EFR3B: variants seen among roughly 807,000 people sequenced by gnomAD.
EFR3B encodes EFR3 homolog B.
A neutral mutation model predicts 104.7 loss-of-function variants in EFR3B; 64 were observed. The observed-to-expected ratio is 0.61, with a 90% CI of 0.50 to 0.75. The LOEUF (loss-of-function observed/expected upper bound fraction) is 0.75. EFR3B is among the 30% of genes least tolerant of loss of function. The pLI, the probability that EFR3B is intolerant of heterozygous loss-of-function variation, is 0.00. For synonymous variants in EFR3B, 385 were observed against 417.9 expected (o/e 0.92, Z 0.96); for missense variants, 750 against 1,078.5 (o/e 0.70, Z 4.27).
intron 6 of EFR3B, among the ~76,000 whole-genome samples, chr2:25,129,097 T>C (rs1237611801): frequency 6.6e-6 from 1 of 150,624 alleles, no homozygotes; most frequent in Non-Finnish European, 1.5e-5. Context: ...AAAACGTGCA[T>C]GCTTGACCAG....
At chr2:25,128,401 T>C in intron 6 of EFR3B, 69 bp downstream of exon 6, 6 of 1,534,842 alleles carry the variant, frequency 3.9e-6, no homozygotes, top group Non-Finnish European at 5.3e-6. Flanking sequence ...GGGAACCACA[T>C]GGTTTGGGTT....
chr2:25,048,166 C>T (rs1667773166), intron 1 of EFR3B, among the ~76,000 whole-genome samples: 1 of 152,120 alleles, frequency 6.6e-6, no homozygotes, highest in Non-Finnish European at 1.5e-5. Context: ...CAGGCATGTG[C>T]AACCATGCCC....
At chr2:25,070,721 C>G (rs985227391) in intron 1 of EFR3B, among the ~76,000 whole-genome samples, 10 of 152,058 alleles carry the variant, frequency 6.6e-5, no homozygotes, top group African/African-American at 2.2e-4. Flanking sequence ...GGGCCACTGT[C>G]AATGAAGAGC....
At position 25,139,192 on chromosome 2, in the gene EFR3B, T is replaced by C. The variant is rs1458815918; in HGVS notation, c.1854+2T>C. The C allele has an allele frequency of 2.6e-6, 4 of 1,550,068 alleles. No individual in the cohort carries two copies. The highest frequency in any genetic ancestry group is 2.0e-5 in the Admixed American group (1 of 50,390). The stretch of plus-strand genomic sequence containing the variant: ...GCCTTCTGCCAGCACATCCATGAGG[T>C]TGGTGTTCTCACGACCAAGAGCTCA... On this transcript the variant is annotated splice_donor_variant, in intron 16 of 22. Coordinates refer to ENST00000403714, the MANE Select transcript of EFR3B (RefSeq NM_014971.2). LOFTEE classifies it high-confidence loss of function.
rs545037805 is a variant in EFR3B at position 25,152,416 on chromosome 2, G to A, written c.2298+396G>A. On this transcript the variant is annotated intron_variant, in intron 21 of 22. Coordinates refer to ENST00000403714, the MANE Select transcript of EFR3B (RefSeq NM_014971.2). The stretch of plus-strand genomic sequence containing the variant: ...TGACAGCTTCTTCTATTGATGAGCC[G>A]CTTTCATTCTCATGATAACTCCATG... Among the ~76,000 whole-genome samples, 9 of 152,310 alleles carry A rather than the reference G, an allele frequency of 5.9e-5. No individual in the cohort carries two copies. In the South Asian group the frequency reaches 8.3e-4, roughly 14 times the overall value.
chr2:25,051,038 C>T (rs574944751), intron 1 of EFR3B, among the ~76,000 whole-genome samples: 1 of 152,116 alleles, frequency 6.6e-6, no homozygotes, highest in Non-Finnish European at 1.5e-5. Context: ...TGCCACTGGC[C>T]CTGCTCTCAG....
chr2:25,124,914 C>A (rs1030610058), intron 5 of EFR3B, among the ~76,000 whole-genome samples: 2 of 151,942 alleles, frequency 1.3e-5, no homozygotes, highest in Non-Finnish European at 2.9e-5. Context: ...AAAAATTAGC[C>A]AGGCATGGTA....
chr2:25,087,374 T>TAC, intron 1 of EFR3B, among the ~76,000 whole-genome samples: 1 of 151,754 alleles, frequency 6.6e-6, no homozygotes, highest in South Asian at 2.1e-4. Flanking sequence ...TATATATATA[T>TAC]ATATACACAC....
At chr2:25,077,295 T>C (rs1228516204) in intron 1 of EFR3B, among the ~76,000 whole-genome samples, 2 of 150,846 alleles carry the variant, frequency 1.3e-5, no homozygotes, top group African/African-American at 4.9e-5. Context: ...TTTTAAAACT[T>C]TTTTTTTTTG....
At position 25,130,199 on chromosome 2, in the gene EFR3B, G is replaced by A. The variant is rs1573224864; in HGVS notation, c.770+90G>A. 5.3e-6 allele frequency: 8 copies of A among 1,521,698 alleles called. No individual in the cohort carries two copies. The highest frequency in any genetic ancestry group is 1.7e-4 in the Middle Eastern group (1 of 5,882). The allele number at this position is 1,521,698 out of a possible 1,614,324, so 94.3% of individuals were successfully genotyped here. A position where few individuals can be genotyped will look rare whatever the true frequency, so the allele number is the denominator to read the frequency against. On this transcript the variant is annotated intron_variant, in intron 7 of 22. Transcript: ENST00000403714. This position sits in a 1 kb window ranked among gnomAD's most constrained non-coding sequence, Gnocchi z 4.6. ...ATCTCCTGGCTGGCTGGGGGGAAGG[G>A]GATATTACAGTTGTGGTGCCGCAGC...
chr2:25,133,285 G>A (rs1429485645), intron 11 of EFR3B, 98 bp from the exon 12 acceptor site: 12 of 1,311,976 alleles, frequency 9.1e-6, no homozygotes, highest in African/African-American at 1.5e-5. Context: ...AACACGATAA[G>A]CCTCATGGAG....
intron 1 of EFR3B, among the ~76,000 whole-genome samples, chr2:25,069,949 G>T (rs112294204): frequency 2.0e-4 from 31 of 152,200 alleles, no homozygotes; most frequent in African/African-American, 7.2e-4. Context: ...TGCCTGCCTC[G>T]GCCTCCCAAA....
chr2:25,106,996 A>G (rs764569300), intron 4 of EFR3B, among the ~76,000 whole-genome samples: 9 of 152,242 alleles, frequency 5.9e-5, no homozygotes, highest in Non-Finnish European at 1.3e-4. Context: ...AAATGAATCA[A>G]GCTCATTGTA....
chr2:25,128,417 G>C, intron 6 of EFR3B, 85 bp downstream of exon 6: 5 of 1,506,038 alleles, frequency 3.3e-6, no homozygotes, highest in Non-Finnish European at 4.5e-6. Context: ...GGGTTGGTCA[G>C]TAAAACTCAG....
intron 1 of EFR3B, among the ~76,000 whole-genome samples, chr2:25,073,310 C>T (rs1668545508): frequency 6.6e-6 from 1 of 151,752 alleles, no homozygotes; most frequent in Non-Finnish European, 1.5e-5. Flanking sequence ...GGCGTGCTCT[C>T]TCTATGCTAT....
At chr2:25,109,593 C>T (rs550179046) in intron 4 of EFR3B, among the ~76,000 whole-genome samples, 1 of 152,156 alleles carries the variant, frequency 6.6e-6, no homozygotes, top group Non-Finnish European at 1.5e-5. Context: ...ACACTATTCA[C>T]AAGAGCTGAA....
At chr2:25,044,690 A>T (rs919127610) in intron 1 of EFR3B, among the ~76,000 whole-genome samples, 5 of 152,134 alleles carry the variant, frequency 3.3e-5, no homozygotes, top group African/African-American at 7.2e-5. Flanking sequence ...TATGGAGCCG[A>T]AAGTCACCTA....
Position 25,154,582 on chromosome 2 carries a change from CTT to C in EFR3B, c.*243_*244del. ...CTCACCTGTGCCCTCTTTGTCTTCT[CTT>C]GTGTCAGCCAGGGGCAGAGAATCAT... On this transcript the variant is annotated 3_prime_UTR_variant, in exon 23 of 23. Coordinates refer to ENST00000403714, the MANE Select transcript of EFR3B (RefSeq NM_014971.2). The surrounding 1 kb of genome is among the most constrained non-coding windows in gnomAD (Gnocchi z 4.1). 1 of 473,506 alleles carries C rather than the reference CTT, an allele frequency of 2.1e-6. No homozygotes were observed. The highest frequency in any genetic ancestry group is 3.7e-6 in the Non-Finnish European group (1 of 268,632). 29.3% of individuals were successfully genotyped at this position (473,506 alleles called of 1,614,324 possible). A position where few individuals can be genotyped will look rare whatever the true frequency, so the allele number is the denominator to read the frequency against.
intron 4 of EFR3B, among the ~76,000 whole-genome samples, chr2:25,105,932 C>G (rs763085759): frequency 6.6e-6 from 1 of 152,196 alleles, no homozygotes; most frequent in Non-Finnish European, 1.5e-5. Flanking sequence ...GATTGCTATG[C>G]TGCAGACAAT....
Sources: allele counts gnomAD v4.1 joint callset (sites outside exome capture counted in the v4.1 genomes callset), GRCh38; gene constraint gnomAD v4.1.1; non-coding constraint Gnocchi (gnomAD v3.1); transcripts MANE v1.5; gene names NCBI Gene and HGNC (gene_info 2026-07-23, HGNC 2026-07-21).